The following CASP6 variants were observed in gnomAD, a reference collection of about 807,000 sequenced individuals.
CASP6 encodes caspase 6.
In CASP6, 20 loss-of-function variants were observed where a neutral mutation model predicts 31.8. That is an observed-to-expected ratio of 0.63 (90% CI 0.44 to 0.91). The LOEUF (loss-of-function observed/expected upper bound fraction) is 0.91. CASP6 is among the 40% of genes least tolerant of loss of function. CASP6 has a pLI of 0.00. For synonymous variants in CASP6, 130 were observed against 127.8 expected (o/e 1.02, Z -0.12); for missense variants, 328 against 361.1 (o/e 0.91, Z 0.74).
the CASP6 span, among the ~76,000 whole-genome samples, chr4:109,679,054 G>A: frequency 6.6e-6 from 1 of 151,318 alleles, no homozygotes; most frequent in Non-Finnish European, 1.5e-5. Context: ...CCCAGATGGG[G>A]CAGCCAGGCA....
upstream of CASP6, among the ~76,000 whole-genome samples, chr4:109,705,544 C>A (rs914040217): frequency 6.6e-6 from 1 of 151,952 alleles, no homozygotes; most frequent in Non-Finnish European, 1.5e-5. Flanking sequence ...TAGTTCTGAG[C>A]AAAGTAAATT....
At chr4:109,709,580 C>T in the CASP6 span, among the ~76,000 whole-genome samples, 2 of 152,056 alleles carry the variant, frequency 1.3e-5, no homozygotes, top group African/African-American at 2.4e-5. Context: ...CCATCTCTGT[C>T]CCTGGAAGAA....
At chr4:109,672,869 T>C in the CASP6 span, among the ~76,000 whole-genome samples, 3 of 152,338 alleles carry the variant, frequency 2.0e-5, no homozygotes, top group East Asian at 5.8e-4. Flanking sequence ...CTTTTTGATA[T>C]AGAAAGATGA....
intron 5 of CASP6, among the ~76,000 whole-genome samples, chr4:109,694,264 G>C (rs1351454353): frequency 6.6e-6 from 1 of 152,162 alleles, no homozygotes. Context: ...CTTGGTATCA[G>C]GCTCGGACAG....
the CASP6 span, among the ~76,000 whole-genome samples, chr4:109,667,670 A>G: frequency 6.7e-6 from 1 of 150,046 alleles, no homozygotes; most frequent in African/African-American, 2.4e-5. Flanking sequence ...ATTCTACTAT[A>G]TTTATTATCT....
chr4:109,696,765 A>G (rs1176877727), intron 3 of CASP6, among the ~76,000 whole-genome samples: 2 of 151,884 alleles, frequency 1.3e-5, no homozygotes, highest in African/African-American at 4.8e-5. Context: ...CAGAGTAAGG[A>G]AAATAACTCA....
the CASP6 span, among the ~76,000 whole-genome samples, chr4:109,677,828 TTAG>T: frequency 1.4e-5 from 2 of 144,510 alleles, no homozygotes; most frequent in African/African-American, 5.4e-5. Context: ...TTTTTTTTTT[TTAG>T]TTTTTATTGA....
intron 5 of CASP6, among the ~76,000 whole-genome samples, chr4:109,693,146 GCTCT>G (rs1286049274): frequency 3.3e-5 from 5 of 152,068 alleles, no homozygotes; most frequent in Non-Finnish European, 7.4e-5. Flanking sequence ...TCATATGCTG[GCTCT>G]CTGTCACCTT....
chr4:109,673,807 T>A, the CASP6 span: 3 of 632,430 alleles, frequency 4.7e-6, no homozygotes, highest in Non-Finnish European at 5.7e-6. Context: ...GGGTGAGAGG[T>A]TTTTTCGCTC....
the CASP6 span, among the ~76,000 whole-genome samples, chr4:109,677,932 G>A: frequency 6.7e-6 from 1 of 150,144 alleles, no homozygotes; most frequent in Non-Finnish European, 1.5e-5. Flanking sequence ...GTGAACAAAG[G>A]TCTCTGGTTT....
At chr4:109,676,355 A>G in the CASP6 span, among the ~76,000 whole-genome samples, 1 of 152,210 alleles carries the variant, frequency 6.6e-6, no homozygotes, top group Non-Finnish European at 1.5e-5. Context: ...TGTGGCCAAC[A>G]TAGTGAAACC....
At chr4:109,668,382 G>A in the CASP6 span, among the ~76,000 whole-genome samples, 1 of 152,016 alleles carries the variant, frequency 6.6e-6, no homozygotes, top group East Asian at 1.9e-4. Flanking sequence ...TTATTATTAT[G>A]TAATGTCTCT....
In CASP6 at chr4:109,689,128, G is replaced by C. The variant is rs553226263; in HGVS notation, c.*202C>G. On this transcript the variant is annotated 3_prime_UTR_variant, in exon 7 of 7. Transcript: ENST00000265164. Reference sequence around the variant, plus strand: ...GTAGCTGGGATTGCAGGCATGCGCCGCCATGCCTAGCTAAATTTTTTTTTG... The same window carrying C: ...GTAGCTGGGATTGCAGGCATGCGCCCCCATGCCTAGCTAAATTTTTTTTTG... 1 of 454,488 alleles carries C rather than the reference G, an allele frequency of 2.2e-6. No homozygotes were observed. The highest frequency in any genetic ancestry group is 4.0e-5 in the East Asian group (1 of 24,886). 28.2% of individuals were successfully genotyped at this position (454,488 alleles called of 1,614,324 possible). A position where few individuals can be genotyped will look rare whatever the true frequency, so the allele number is the denominator to read the frequency against.
chr4:109,704,995 G>A (rs895262375), upstream of CASP6, among the ~76,000 whole-genome samples: 3 of 152,146 alleles, frequency 2.0e-5, no homozygotes, highest in Admixed American at 6.5e-5. Flanking sequence ...GTGAGCCACC[G>A]TGCCCAGCCA....
Position 109,689,529 on chromosome 4 carries a change from TA to T in CASP6, c.682del (p.Tyr228ThrfsTer16). 1.9e-6 allele frequency: 3 copies of T among 1,614,174 alleles called. No individual in the cohort carries two copies. The highest frequency in any genetic ancestry group is 2.5e-6 in the Non-Finnish European group (3 of 1,180,014). On this transcript the variant is annotated frameshift_variant, in exon 7 of 7. Coordinates refer to ENST00000265164, the MANE Select transcript of CASP6 (RefSeq NM_001226.4). LOFTEE classifies it high-confidence loss of function. Reference protein sequence around the residue: ...SHRETVNGSWYIQDLCEMLGK... With the variant: ...SHRETVNGSWXIQDLCEMLGK... ...CAACATCTCACACAAATCTTGAATGTACCATGAGCCGTTCACAGTTTCCCGG... is the reference window on the plus strand; with the variant it reads ...CAACATCTCACACAAATCTTGAATGTCCATGAGCCGTTCACAGTTTCCCGG...
chr4:109,687,337 T>C (rs576098134), downstream of CASP6, among the ~76,000 whole-genome samples: 36 of 152,212 alleles, frequency 2.4e-4, no homozygotes, highest in African/African-American at 8.4e-4. Context: ...CCTGCCTGGG[T>C]GACAGAATGA....
chr4:109,682,788 GT>G, the CASP6 span: 4 of 1,418,364 alleles, frequency 2.8e-6, no homozygotes, highest in East Asian at 9.3e-5. Flanking sequence ...AATACCTAGT[GT>G]TTATTGAGTG....
chr4:109,672,866 A>G, the CASP6 span, among the ~76,000 whole-genome samples: 1 of 152,128 alleles, frequency 6.6e-6, no homozygotes, highest in East Asian at 1.9e-4. Context: ...TTACTTTTTG[A>G]TATAGAAAGA....
the CASP6 span, among the ~76,000 whole-genome samples, chr4:109,671,760 G>C: frequency 6.6e-6 from 1 of 152,052 alleles, no homozygotes. Context: ...GGTTGTTGTT[G>C]TTTTTTTCTT....
Sources: allele counts gnomAD v4.1 joint callset (sites outside exome capture counted in the v4.1 genomes callset), GRCh38; gene constraint gnomAD v4.1.1; transcripts MANE v1.5; gene names NCBI Gene and HGNC (gene_info 2026-07-23, HGNC 2026-07-21).